The following SMYD3 variants were observed in gnomAD, a reference collection of about 807,000 sequenced individuals.
The protein encoded by SMYD3 is SET and MYND domain containing 3.
A neutral mutation model predicts 57.7 loss-of-function variants in SMYD3; 36 were observed. That is an observed-to-expected ratio of 0.62 (90% confidence interval 0.48 to 0.82). The LOEUF (loss-of-function observed/expected upper bound fraction) is 0.82, where lower values mean the gene tolerates loss of function less well. SMYD3 is among the 40% of genes least tolerant of loss of function. The pLI is 0.00. For missense variants in SMYD3, 515 were observed against 538.8 expected (o/e 0.96, Z 0.44); for synonymous variants, 211 against 195.0 (o/e 1.08, Z -0.68).
chr1:245,924,594 G>T (rs913004897), intron 7 of SMYD3, among the ~76,000 whole-genome samples: 11 of 151,174 alleles, frequency 7.3e-5, no homozygotes, highest in African/African-American at 2.7e-4. Context: ...TTCCTTTCAG[G>T]AGCCATGGGA....
chr1:246,327,437 C>T (rs2065375377), intron 4 of SMYD3, 100 bp from the exon 5 acceptor site: 1 of 1,025,844 alleles, frequency 9.7e-7, no homozygotes, highest in African/African-American at 1.6e-5. Flanking sequence ...TATTTCCTAC[C>T]TTACATTGGA....
Position 246,355,232 on chromosome 1 carries a change from G to C in SMYD3, c.165-138C>G. 1 of 769,284 alleles carries C rather than the reference G, an allele frequency of 1.3e-6. No homozygotes were observed. Among genetic ancestry groups the C allele is most frequent in the Non-Finnish European group, 2.1e-6 (1 of 472,366 alleles). 47.7% of individuals were successfully genotyped at this position (769,284 alleles called of 1,614,324 possible). On this transcript the variant is annotated intron_variant, in intron 1 of 11. Transcript: ENST00000490107. The surrounding 1 kb of genome is among the most constrained non-coding windows in gnomAD (Gnocchi z 5.0). ...ATTATGTACAGTCCCTTAAGATTTGGATTTTCACACTGATGAGCCTCCTCT... is the reference window on the plus strand; with the variant it reads ...ATTATGTACAGTCCCTTAAGATTTGCATTTTCACACTGATGAGCCTCCTCT...
intron 1 of SMYD3, among the ~76,000 whole-genome samples, chr1:246,423,007 G>A (rs1406045415): frequency 6.6e-6 from 1 of 152,082 alleles, no homozygotes; most frequent in African/African-American, 2.4e-5. Flanking sequence ...AAGGAAAATG[G>A]AGTGAGATGA....
chr1:246,353,139 T>C (rs961156709), intron 2 of SMYD3, among the ~76,000 whole-genome samples: 3 of 152,334 alleles, frequency 2.0e-5, no homozygotes, highest in Admixed American at 2.0e-4. Context: ...CTTACATAAA[T>C]CAGGGATCTT....
At chr1:246,318,601 G>T (rs1294327464) in intron 5 of SMYD3, among the ~76,000 whole-genome samples, 1 of 152,122 alleles carries the variant, frequency 6.6e-6, no homozygotes, top group Non-Finnish European at 1.5e-5. Flanking sequence ...GTAGATTGTT[G>T]TCACTAAAGG....
intron 7 of SMYD3, among the ~76,000 whole-genome samples, chr1:245,918,778 T>C (rs553438993): frequency 3.9e-5 from 6 of 152,296 alleles, no homozygotes; most frequent in African/African-American, 1.2e-4. Context: ...TGTCCCCTCT[T>C]GGGTTAACTC....
At chr1:246,505,426 A>AAAGAGC (rs1202906744) in intron 1 of SMYD3, among the ~76,000 whole-genome samples, 1 of 137,030 alleles carries the variant, frequency 7.3e-6, no homozygotes, top group African/African-American at 3.1e-5. Context: ...TGAGTTTCCC[A>AAAGAGC]AGGAGCAGCA....
intron 1 of SMYD3, among the ~76,000 whole-genome samples, chr1:246,357,795 A>C (rs1441393172): frequency 6.6e-6 from 1 of 152,244 alleles, no homozygotes; most frequent in East Asian, 1.9e-4. Context: ...CAGCACTACA[A>C]GAACTGCCAA....
chr1:245,926,122 A>G (rs2056353597), intron 7 of SMYD3, among the ~76,000 whole-genome samples: 1 of 152,186 alleles, frequency 6.6e-6, no homozygotes, highest in Admixed American at 6.5e-5. Context: ...AAAGCCACCA[A>G]TCTCATCATG....
At chr1:246,357,457 A>G (rs1040113379) in intron 1 of SMYD3, among the ~76,000 whole-genome samples, 11 of 152,230 alleles carry the variant, frequency 7.2e-5, no homozygotes, top group African/African-American at 2.4e-4. Flanking sequence ...TGTTTAGCAT[A>G]TAATCAAGAA....
At chr1:246,123,571 AACACACACACACACACACAC>A (rs557543331) in intron 5 of SMYD3, among the ~76,000 whole-genome samples, 13 of 129,576 alleles carry the variant, frequency 1.0e-4, no homozygotes, top group East Asian at 9.4e-4. Flanking sequence ...TCCATCTCAA[AACACACACACACACACACAC>A]ACACACACAC....
chr1:246,105,554 A>T (rs1480376896), intron 5 of SMYD3, among the ~76,000 whole-genome samples: 1 of 152,164 alleles, frequency 6.6e-6, no homozygotes, highest in African/African-American at 2.4e-5. Flanking sequence ...AGAGGGAGAA[A>T]CACCTTACTG....
At chr1:245,966,095 T>A (rs2058139436) in intron 5 of SMYD3, among the ~76,000 whole-genome samples, 1 of 152,212 alleles carries the variant, frequency 6.6e-6, no homozygotes, top group South Asian at 2.1e-4. Flanking sequence ...AACTAAGCCT[T>A]GATAAACATT....
At chr1:245,880,794 C>T (rs1454124289) in intron 8 of SMYD3, among the ~76,000 whole-genome samples, 1 of 152,206 alleles carries the variant, frequency 6.6e-6, no homozygotes, top group Non-Finnish European at 1.5e-5. Flanking sequence ...AACCTATTTG[C>T]TCTTTATTGT....
At chr1:246,324,416 C>CAAA (rs897518368) in intron 5 of SMYD3, among the ~76,000 whole-genome samples, 19 of 42,190 alleles carry the variant, frequency 4.5e-4, no homozygotes, top group Non-Finnish European at 6.1e-4. Flanking sequence ...AACTCCATCT[C>CAAA]AAAAAAAAAA....
intron 5 of SMYD3, among the ~76,000 whole-genome samples, chr1:246,277,896 T>C (rs1419708196): frequency 2.0e-5 from 3 of 152,180 alleles, no homozygotes; most frequent in African/African-American, 7.2e-5. Flanking sequence ...AAGGGACATA[T>C]GGCAACTTTT....
At chr1:246,013,276 T>C (rs1479039757) in intron 5 of SMYD3, among the ~76,000 whole-genome samples, 3 of 152,162 alleles carry the variant, frequency 2.0e-5, no homozygotes, top group Non-Finnish European at 4.4e-5. Flanking sequence ...ACCTCCTGGG[T>C]TCAAGAGATT....
chr1:245,770,263 A>G (rs1202200878), intron 10 of SMYD3, among the ~76,000 whole-genome samples: 1 of 152,176 alleles, frequency 6.6e-6, no homozygotes, highest in Non-Finnish European at 1.5e-5. Flanking sequence ...CCCTTTGATG[A>G]TCTTAGAGAC....
intron 5 of SMYD3, among the ~76,000 whole-genome samples, chr1:246,067,012 T>C (rs1035483316): frequency 2.6e-5 from 4 of 152,226 alleles, no homozygotes; most frequent in African/African-American, 9.6e-5. Flanking sequence ...TTTGAAGCGG[T>C]AAACTTTTAG....
Sources: gnomAD v4.1 joint callset for allele counts (sites outside exome capture counted in the v4.1 genomes callset) on GRCh38, gnomAD v4.1.1 for gene constraint, Gnocchi (gnomAD v3.1) non-coding constraint, MANE v1.5 for transcripts, NCBI Gene and HGNC (gene_info 2026-07-23, HGNC 2026-07-21) for gene names.